PPARD: variants seen among roughly 807,000 people sequenced by gnomAD.
The protein encoded by PPARD is peroxisome proliferator activated receptor delta, also known as peroxisome proliferator-activated receptor delta.
In PPARD, 6 loss-of-function variants were observed where a neutral mutation model predicts 39.5. The observed-to-expected ratio is 0.15, with a 90% CI of 0.08 to 0.30. The LOEUF (loss-of-function observed/expected upper bound fraction) is 0.30, where lower values mean the gene tolerates loss of function less well. Among genes scored for constraint, PPARD ranks in the 10% least tolerant of loss-of-function variants. The pLI is 1.00. For synonymous variants in PPARD, 210 were observed against 231.3 expected (o/e 0.91, Z 0.83); for missense variants, 397 against 596.8 (o/e 0.67, Z 3.49).
chr6:35,395,653 G>A (rs1313075124), intron 2 of PPARD, among the ~76,000 whole-genome samples: 1 of 152,188 alleles, frequency 6.6e-6, no homozygotes, highest in East Asian at 1.9e-4. Flanking sequence ...GGGCCAGGCA[G>A]GACAGGACCA....
chr6:35,419,807 A>G (rs1247965450), intron 3 of PPARD, among the ~76,000 whole-genome samples: 1 of 152,118 alleles, frequency 6.6e-6, no homozygotes, highest in East Asian at 1.9e-4. Context: ...AAACACAGCC[A>G]TCCTCCTCCC....
intron 5 of PPARD, 64 bp downstream of exon 5, chr6:35,422,022 G>A (rs1409477666): frequency 1.3e-6 from 2 of 1,519,046 alleles, no homozygotes; most frequent in East Asian, 4.6e-5. Context: ...CAAGGTCCAG[G>A]GAGCCCTTGG....
At chr6:35,417,466 C>A (rs2299871) in intron 3 of PPARD, among the ~76,000 whole-genome samples, 2 of 151,548 alleles carry the variant, frequency 1.3e-5, no homozygotes, top group East Asian at 3.9e-4. Flanking sequence ...TTTTTTTTTA[C>A]TTTTTATAGA....
intron 2 of PPARD, among the ~76,000 whole-genome samples, chr6:35,394,684 T>C (rs1764209349): frequency 6.6e-6 from 1 of 150,752 alleles, no homozygotes; most frequent in Non-Finnish European, 1.5e-5. Flanking sequence ...GGTGGGAGAA[T>C]CACTTGAACC....
In PPARD at chr6:35,426,470, T is replaced by A. The variant is rs9658168; in HGVS notation, c.*391T>A. On this transcript the variant is annotated 3_prime_UTR_variant, in exon 8 of 8. Coordinates refer to ENST00000360694, the MANE Select transcript of PPARD (RefSeq NM_006238.5). ...TTCACCAGCAGCATAGAACAGGACC[T>A]CTGCTTTTGCACACCTTTTCCCCAG... 261 of 217,318 alleles carry A rather than the reference T, an allele frequency of 1.2e-3. No homozygotes were observed. The highest frequency in any genetic ancestry group is 5.6e-3 in the African/African-American group (243 of 43,048). 13.5% of individuals were successfully genotyped at this position (217,318 alleles called of 1,614,324 possible).
intron 2 of PPARD, among the ~76,000 whole-genome samples, chr6:35,369,024 G>A (rs1268617768): frequency 6.6e-6 from 1 of 152,164 alleles, no homozygotes; most frequent in East Asian, 1.9e-4. Context: ...TTCTAGTCTT[G>A]TGCCTTGGAC....
chr6:35,355,078 A>G (rs1371753508), intron 2 of PPARD, among the ~76,000 whole-genome samples: 3 of 152,182 alleles, frequency 2.0e-5, no homozygotes, highest in Admixed American at 2.0e-4. Flanking sequence ...CTTCTGAACC[A>G]GCCCAGATTT....
chr6:35,385,861 C>T (rs936289890), intron 2 of PPARD, among the ~76,000 whole-genome samples: 14 of 151,574 alleles, frequency 9.2e-5, no homozygotes, highest in Non-Finnish European at 1.8e-4. Flanking sequence ...GATTGTGCAG[C>T]GGATGGATTG....
intron 2 of PPARD, among the ~76,000 whole-genome samples, chr6:35,356,477 G>T (rs1348581728): frequency 6.6e-6 from 1 of 152,146 alleles, no homozygotes; most frequent in Non-Finnish European, 1.5e-5. Flanking sequence ...CTCTTCCTTT[G>T]TTTCCCTTAA....
intron 2 of PPARD, among the ~76,000 whole-genome samples, chr6:35,388,076 G>A (rs1763783873): frequency 6.6e-6 from 1 of 150,858 alleles, no homozygotes; most frequent in Non-Finnish European, 1.5e-5. Context: ...TGTATGTTAG[G>A]TGGACTGTGG....
At position 35,425,971 on chromosome 6, in the gene PPARD, G is replaced by A; in HGVS notation, c.1218G>A (p.Leu406=). The change falls in exon 8 of 8, where the codon CTG becomes CTA. Residue 406 remains leucine (L), a synonymous_variant. Transcript: ENST00000360694. The surrounding 1 kb of genome is among the most constrained non-coding windows in gnomAD (Gnocchi z 4.5). ...AGCTGCTGCAGAAGATGGCTGACCTGCGGCAACTGGTCACCGAGCACGCCC... is the reference window on the plus strand; with the variant it reads ...AGCTGCTGCAGAAGATGGCTGACCTACGGCAACTGGTCACCGAGCACGCCC... The part of the protein sequence containing the change: ...FPKLLQKMAD[L]RQLVTEHAQM... 4 of 1,614,152 alleles carry A rather than the reference G, an allele frequency of 2.5e-6. No homozygotes were observed. Among genetic ancestry groups the A allele is most frequent in the South Asian group, 1.1e-5 (1 of 91,080 alleles).
chr6:35,420,920 G>A (rs1206712731), intron 4 of PPARD, among the ~76,000 whole-genome samples: 5 of 127,992 alleles, frequency 3.9e-5, no homozygotes, highest in African/African-American at 1.1e-4. Context: ...TCCACCTCCC[G>A]GGTTCAGGAG....
intron 2 of PPARD, among the ~76,000 whole-genome samples, chr6:35,359,185 G>T (rs1761792394): frequency 6.6e-6 from 1 of 152,142 alleles, no homozygotes; most frequent in South Asian, 2.1e-4. Context: ...AGGGAGGGAG[G>T]AGACCAGGAG....
chr6:35,410,479 C>T (rs1765353742), intron 2 of PPARD, among the ~76,000 whole-genome samples: 1 of 152,186 alleles, frequency 6.6e-6, no homozygotes, highest in African/African-American at 2.4e-5. Context: ...AACAGCAGGG[C>T]TTTATGTCTT....
intron 3 of PPARD, among the ~76,000 whole-genome samples, chr6:35,416,260 G>A (rs1487067667): frequency 6.6e-6 from 1 of 151,430 alleles, no homozygotes; most frequent in Non-Finnish European, 1.5e-5. Context: ...TGTAATCCCA[G>A]CTACTCGGGG....
Position 35,405,919 on chromosome 6 carries a change from C to T in PPARD, c.-101-5068C>T, listed in dbSNP as rs564117507. Among the ~76,000 whole-genome samples, 7 of 151,292 alleles carry T rather than the reference C, an allele frequency of 4.6e-5. No individual in the cohort carries two copies. The East Asian group carries it at 7.8e-4, about 17-fold the overall frequency. ...TGCTGGGATTACAGGCATGAACCAC[C>T]GCACCTGGACTTTTTTTTTTGTTTT... On this transcript the variant is annotated intron_variant, in intron 2 of 7. Transcript: ENST00000360694.
At chr6:35,400,808 AAAG>A (rs1276415473) in intron 2 of PPARD, among the ~76,000 whole-genome samples, 1 of 151,908 alleles carries the variant, frequency 6.6e-6, no homozygotes, top group Non-Finnish European at 1.5e-5. Context: ...AAAAAAAAAA[AAAG>A]AAAAGAAAAA....
chr6:35,381,886 A>G (rs999427392), intron 2 of PPARD, among the ~76,000 whole-genome samples: 4 of 152,218 alleles, frequency 2.6e-5, no homozygotes, highest in African/African-American at 9.6e-5. Flanking sequence ...GCCCCATTCC[A>G]GAGGGAAGAC....
chr6:35,369,744 C>T (rs192961058), intron 2 of PPARD, among the ~76,000 whole-genome samples: 28 of 152,330 alleles, frequency 1.8e-4, no homozygotes, highest in East Asian at 1.2e-3. Flanking sequence ...TGCCAACAGA[C>T]GTTTAGGTTA....
Sources: allele counts gnomAD v4.1 joint callset (sites outside exome capture counted in the v4.1 genomes callset), GRCh38; gene constraint gnomAD v4.1.1; non-coding constraint Gnocchi (gnomAD v3.1); transcripts MANE v1.5; gene names NCBI Gene and HGNC (gene_info 2026-07-23, HGNC 2026-07-21).